The following SEMA4G variants were observed in gnomAD, a reference collection of about 807,000 sequenced individuals.
The protein encoded by SEMA4G is semaphorin-4G.
A neutral mutation model predicts 81.2 loss-of-function variants in SEMA4G; 59 were observed. The ratio of observed to expected loss-of-function variants is 0.73; its 90% confidence interval spans 0.59 to 0.90. The LOEUF (loss-of-function observed/expected upper bound fraction) is 0.90, where lower values mean the gene tolerates loss of function less well. Among genes scored for constraint, SEMA4G ranks in the 40% least tolerant of loss-of-function variants. The pLI, the probability that SEMA4G is intolerant of heterozygous loss-of-function variation, is 0.00. For synonymous variants in SEMA4G, 404 were observed against 433.9 expected (o/e 0.93, Z 0.86); for missense variants, 952 against 1,102.3 (o/e 0.86, Z 1.93).
upstream of SEMA4G, among the ~76,000 whole-genome samples, chr10:100,971,906 G>A (rs1290639086): frequency 2.6e-5 from 4 of 152,136 alleles, no homozygotes; most frequent in African/African-American, 9.7e-5. Context: ...GGGGATCCTA[G>A]GTACCCACCC....
chr10:100,974,609 GT>G (rs1490904973), intron 3 of SEMA4G, among the ~76,000 whole-genome samples: 2 of 152,210 alleles, frequency 1.3e-5, no homozygotes, highest in Non-Finnish European at 1.5e-5. Flanking sequence ...TATTATCTCA[GT>G]TAATTCTAAA....
At chr10:100,979,303 C>T in intron 8 of SEMA4G, 32 bp downstream of exon 9, 1 of 1,614,160 alleles carries the variant, frequency 6.2e-7, no homozygotes, top group Non-Finnish European at 8.5e-7. Flanking sequence ...AGGCAAGAAA[C>T]TGCGGACAGC....
rs1204118209 is a variant in SEMA4G, at chr10:100,973,286, C to G, written c.273+9C>G. 6.2e-7 allele frequency: 1 copy of G among 1,611,924 alleles called. No homozygotes were observed. The highest frequency in any genetic ancestry group is 1.1e-5 in the South Asian group (1 of 91,072). ...ATGGGGCTCACAAAGAGGTCAGGCC[C>G]TGGAACCTGGACCACCCAGAGGGTC... is the stretch of plus-strand genomic sequence containing the variant. On this transcript the variant is annotated intron_variant, in intron 2 of 13. Transcript: ENST00000370250. This position sits in a 1 kb window ranked among gnomAD's most constrained non-coding sequence, Gnocchi z 5.5.
downstream of SEMA4G, chr10:100,985,146 G>A (rs1851375125): frequency 4.7e-6 from 2 of 425,960 alleles, no homozygotes; most frequent in African/African-American, 2.0e-5. Flanking sequence ...GGGGAATCAA[G>A]CATTTGCTTC....
intron 8 of SEMA4G, 36 bp from the exon 10 acceptor site, chr10:100,979,812 T>C (rs1236954100): frequency 5.0e-6 from 8 of 1,609,216 alleles, no homozygotes; most frequent in Admixed American, 3.3e-5. Flanking sequence ...CTTGACTCCA[T>C]GTAACTCACC....
chr10:100,979,792 G>C (rs1189277104), intron 8 of SEMA4G, 56 bp from the exon 10 acceptor site: 1 of 1,597,122 alleles, frequency 6.3e-7, no homozygotes, highest in East Asian at 2.2e-5. Flanking sequence ...AGCACGAGTT[G>C]GGGGGCAGGC....
chr10:100,981,367 G>C (rs1851063185), intron 13 of SEMA4G, 138 bp downstream of exon 14: 1 of 1,608,276 alleles, frequency 6.2e-7, no homozygotes, highest in Non-Finnish European at 8.5e-7. Context: ...CACAGAGCCT[G>C]GCACAGAGTA....
Position 100,978,594 on chromosome 10 carries a change from CCCACA to C in SEMA4G, c.599_603del (p.Pro200LeufsTer5). The C allele has an allele frequency of 5.0e-6, 8 of 1,614,148 alleles. No individual in the cohort carries two copies. Among genetic ancestry groups the C allele is most frequent in the Non-Finnish European group, 5.9e-6 (7 of 1,180,040 alleles). On this transcript the variant is annotated frameshift_variant, in exon 6 of 14. Transcript: ENST00000370250. LOFTEE classifies it high-confidence loss of function. ...TTCCTGACATCCGCCGGAGCCGCCACCCACACTCCCTGAGAACTGAGGAGACACCA... is the reference window on the plus strand; with the variant it reads ...TTCCTGACATCCGCCGGAGCCGCCACCTCCCTGAGAACTGAGGAGACACCA...
At chr10:100,980,055 T>C in intron 9 of SEMA4G, 63 bp downstream of exon 10, 6 of 1,613,508 alleles carry the variant, frequency 3.7e-6, no homozygotes, top group Non-Finnish European at 4.2e-6. Context: ...TCAAAGGGTC[T>C]GGCCTTGTGG....
At chr10:100,981,489 G>C (rs769476970) in intron 13 of SEMA4G, 7 of 1,614,224 alleles carry the variant, frequency 4.3e-6, no homozygotes, top group Non-Finnish European at 8.5e-7. Context: ...GATGACAAGG[G>C]TTCAGGACGG....
Position 100,977,951 on chromosome 10 carries a change from C to T in SEMA4G, c.435+221C>T, listed in dbSNP as rs187759303. On this transcript the variant is annotated intron_variant, in intron 4 of 13. Coordinates refer to ENST00000370250, the Ensembl canonical transcript of SEMA4G. ...TAGCATTTTCACTTAGCATCCTCCC[C>T]CTAATCACCTCCACCTGGCAAACTT... is the stretch of plus-strand genomic sequence containing the variant. The T allele has an allele frequency of 1.2e-5, 7 of 580,860 alleles. No individual in the cohort carries two copies. The Admixed American group carries it at 1.2e-4, about 10-fold the overall frequency. 36.0% of individuals were successfully genotyped at this position (580,860 alleles called of 1,614,324 possible).
Position 100,973,621 on chromosome 10 carries a change from G to T in SEMA4G, c.336+12G>T, listed in dbSNP as rs778492373. The T allele has an allele frequency of 2.5e-6, 4 of 1,613,468 alleles. No homozygotes were observed. The highest frequency in any genetic ancestry group is 3.4e-6 in the Non-Finnish European group (4 of 1,179,482). Reference sequence around the variant, plus strand: ...GGAAAAACAACCAGGTATGTGGTCTGCCCTGTCCCCAGCTCCTTTCCTCCC... The same window carrying T: ...GGAAAAACAACCAGGTATGTGGTCTTCCCTGTCCCCAGCTCCTTTCCTCCC... On this transcript the variant is annotated intron_variant, in intron 3 of 13. Coordinates refer to ENST00000370250, the Ensembl canonical transcript of SEMA4G. This position sits in a 1 kb window ranked among gnomAD's most constrained non-coding sequence, Gnocchi z 5.5.
At chr10:100,982,996 G>A (rs1264131927) in intron 13 of SEMA4G, among the ~76,000 whole-genome samples, 3 of 152,210 alleles carry the variant, frequency 2.0e-5, no homozygotes, top group Non-Finnish European at 2.9e-5. Flanking sequence ...GTAGATATCC[G>A]AGTCTGGCAC....
intron 6 of SEMA4G, 59 bp from the exon 8 acceptor site, chr10:100,978,790 A>C (rs2133875964): frequency 6.3e-7 from 1 of 1,590,982 alleles, no homozygotes; most frequent in Admixed American, 1.7e-5. Flanking sequence ...TCAGCCTCAG[A>C]GTGAGGGAAA....
chr10:100,984,547 T>G (rs1851326399), exon 14 of SEMA4G: 1 of 1,536,070 alleles, frequency 6.5e-7, no homozygotes, highest in Non-Finnish European at 8.7e-7. Context: ...TGGCCCTGTG[T>G]GCTGGATGGT....
At chr10:100,980,787 G>T in intron 11 of SEMA4G, 35 bp from the exon 13 acceptor site, 1 of 1,561,270 alleles carries the variant, frequency 6.4e-7, no homozygotes. Flanking sequence ...TATGAGTGGG[G>T]ACGCTGCCGA....
At position 100,984,745 on chromosome 10, in the gene SEMA4G, C is replaced by A. The variant is rs867056759; in HGVS notation, c.*614C>A. 3.3e-5 allele frequency: 51 copies of A among 1,536,164 alleles called. No individual in the cohort carries two copies. In the African/African-American group the frequency reaches 5.6e-4, roughly 17 times the overall value. ...TTGCCACATCCTATCTGGTCCTCTT[C>A]CCCAGCCCCATGTGGTGACCTCTTT... On this transcript the variant is annotated 3_prime_UTR_variant, in exon 14 of 14. Transcript: ENST00000370250.
intron 9 of SEMA4G, 26 bp from the exon 11 acceptor site, chr10:100,980,096 T>C: frequency 6.2e-7 from 1 of 1,613,284 alleles, no homozygotes; most frequent in Non-Finnish European, 8.5e-7. Flanking sequence ...AGTCCCGAGG[T>C]TCACCACCTT....
chr10:100,981,739 A>C (rs988322844), intron 13 of SEMA4G, among the ~76,000 whole-genome samples: 2 of 152,194 alleles, frequency 1.3e-5, no homozygotes, highest in African/African-American at 4.8e-5. Flanking sequence ...GCTCAAACTT[A>C]TTCAGCTATT....
Sources: gnomAD v4.1 joint callset for allele counts (sites outside exome capture counted in the v4.1 genomes callset) on GRCh38, gnomAD v4.1.1 for gene constraint, Gnocchi (gnomAD v3.1) non-coding constraint, MANE v1.5 for transcripts, NCBI Gene and HGNC (gene_info 2026-07-23, HGNC 2026-07-21) for gene names.